Variants in BORCS8 observed in about 807,000 individuals in gnomAD.
BORCS8 encodes BLOC-1 related complex subunit 8.
In BORCS8, 13 loss-of-function variants were observed where a neutral mutation model predicts 18.7. That is an observed-to-expected ratio of 0.70 (90% CI 0.45 to 1.11). BORCS8 has a LOEUF of 1.11. BORCS8 is among the 50% of genes least tolerant of loss of function. The pLI is 0.00. For missense variants in BORCS8, 165 were observed against 165.7 expected (o/e 1.00, Z 0.02); for synonymous variants, 68 against 64.8 (o/e 1.05, Z -0.24).
intron 1 of BORCS8, among the ~76,000 whole-genome samples, chr19:19,191,708 T>G (rs182259484): frequency 2.0e-5 from 3 of 152,026 alleles, no homozygotes; most frequent in Non-Finnish European, 4.4e-5. Flanking sequence ...GCCGCCCAAG[T>G]AGCTGGGACC....
intron 5 of BORCS8, chr19:19,178,959 CAA>C (rs555063108): frequency 1.9e-4 from 17 of 90,198 alleles, no homozygotes; most frequent in Non-Finnish European, 1.8e-4. Flanking sequence ...GACTCCATCT[CAA>C]AAAAAAAAAA....
chr19:19,191,601 G>T (rs1048272349), intron 1 of BORCS8, among the ~76,000 whole-genome samples: 6 of 151,588 alleles, frequency 4.0e-5, no homozygotes, highest in Admixed American at 2.6e-4. Context: ...TTTAGACAGG[G>T]TCTCACTTGT....
intron 3 of BORCS8, among the ~76,000 whole-genome samples, chr19:19,185,507 G>A (rs1352877846): frequency 2.6e-5 from 4 of 152,170 alleles, no homozygotes; most frequent in East Asian, 1.9e-4. Context: ...CCAACATGGC[G>A]AAACCCCATC....
At chr19:19,191,403 G>A (rs888248581) in intron 1 of BORCS8, among the ~76,000 whole-genome samples, 5 of 150,924 alleles carry the variant, frequency 3.3e-5, no homozygotes, top group African/African-American at 1.2e-4. Context: ...GAGGCAAGAG[G>A]ATCGCCCGCG....
At position 19,182,081 on chromosome 19, in the gene BORCS8, G is replaced by C. The variant is rs114734937; in HGVS notation, c.326+492C>G. ...CATCTCCCTGGCCCCATCTCCCCCA[G>C]CTGGCCGGCTCCAGCCACAGAAGCC... On this transcript the variant is annotated intron_variant, in intron 4 of 5. Coordinates refer to ENST00000462790, the MANE Select transcript of BORCS8 (RefSeq NM_001145784.2). The surrounding 1 kb of genome is among the most constrained non-coding windows in gnomAD (Gnocchi z 4.1). 2,147 of 980,828 alleles carry C rather than the reference G, an allele frequency of 2.2e-3. 44 individuals are homozygous for C. In the African/African-American group the frequency reaches 0.035, roughly 16 times the overall value. The allele number at this position is 980,828 out of a possible 1,614,324, so 60.8% of individuals were successfully genotyped here. A position where few individuals can be genotyped will look rare whatever the true frequency, so the allele number is the denominator to read the frequency against.
chr19:19,191,921 G>T (rs939930896), intron 1 of BORCS8, among the ~76,000 whole-genome samples, 160 bp downstream of exon 1: 1 of 152,146 alleles, frequency 6.6e-6, no homozygotes, highest in Admixed American at 6.6e-5. Context: ...AAGCAGACAC[G>T]GAGCCTTTCT....
chr19:19,188,004 G>A (rs1599760025), intron 1 of BORCS8, among the ~76,000 whole-genome samples: 1 of 150,560 alleles, frequency 6.6e-6, no homozygotes, highest in South Asian at 2.1e-4. Context: ...CACCATGCCT[G>A]GCTAGTTTTT....
intron 1 of BORCS8, among the ~76,000 whole-genome samples, chr19:19,189,032 A>T (rs2060440143): frequency 6.6e-6 from 1 of 151,816 alleles, no homozygotes; most frequent in Admixed American, 6.6e-5. Context: ...ATGGGGTTTT[A>T]CCATGTTGGC....
chr19:19,189,905 A>T (rs1239707152), intron 1 of BORCS8, among the ~76,000 whole-genome samples: 1 of 150,070 alleles, frequency 6.7e-6, no homozygotes, highest in Non-Finnish European at 1.5e-5. Flanking sequence ...CAAAAGAGTG[A>T]GACTCTGTCC....
intron 1 of BORCS8, 29 bp from the exon 2 acceptor site, chr19:19,187,034 G>T (rs1404701944): frequency 2.0e-6 from 3 of 1,512,506 alleles, no homozygotes; most frequent in Non-Finnish European, 2.7e-6. Flanking sequence ...GATGGGGCGG[G>T]TGTGGGGAGA....
chr19:19,183,592 T>C (rs1365829129), intron 3 of BORCS8, among the ~76,000 whole-genome samples: 4 of 151,412 alleles, frequency 2.6e-5, no homozygotes, highest in East Asian at 2.0e-4. Context: ...TTCTTTCTTT[T>C]TTTTTTTTTG....
At chr19:19,187,090 G>T in intron 1 of BORCS8, 85 bp from the exon 2 acceptor site, 1 of 1,013,200 alleles carries the variant, frequency 9.9e-7, no homozygotes, top group Middle Eastern at 2.1e-4. Context: ...CCCAGCCAGA[G>T]CAAAGGGGGC....
chr19:19,180,564 T>A (rs1327881084), intron 5 of BORCS8, 122 bp downstream of exon 5: 5 of 725,614 alleles, frequency 6.9e-6, no homozygotes, highest in Non-Finnish European at 9.7e-6. Flanking sequence ...TCCGAAATCA[T>A]CCCACAAGCC....
At chr19:19,186,819 T>C (rs1485733886) in intron 2 of BORCS8, 74 bp downstream of exon 2, 2 of 1,119,840 alleles carry the variant, frequency 1.8e-6, no homozygotes, top group Non-Finnish European at 2.5e-6. Flanking sequence ...TGCCACCACA[T>C]GCCTCCTTGC....
In BORCS8 at chr19:19,186,982, C is replaced by T. The variant is rs1208876108; in HGVS notation, c.61G>A (p.Val21Ile). Residue 21 changes from valine to isoleucine, a missense_variant, in exon 2 of 6, where the codon GTC becomes ATC. Physicochemically the swap from Val to Ile is conservative, Grantham distance 29. Transcript: ENST00000462790. The part of the protein sequence containing the change: ...KKVTDKFTES[V>I]YVLANEPSVA... ...GATGGCTCGTTGGCCAGGACGTAGA[C>T]GCTCTCAGTGAACTTGTCCGTGACT... The T allele has an allele frequency of 1.1e-5, 17 of 1,551,314 alleles. No homozygotes were observed. Among genetic ancestry groups the T allele is most frequent in the South Asian group, 1.1e-4 (9 of 84,022 alleles).
intron 3 of BORCS8, among the ~76,000 whole-genome samples, chr19:19,185,239 G>A (rs1388415988): frequency 6.6e-6 from 1 of 152,214 alleles, no homozygotes; most frequent in Non-Finnish European, 1.5e-5. Flanking sequence ...CCAATAAAAT[G>A]GCCCACAGCC....
chr19:19,185,920 C>T (rs1006523032), intron 3 of BORCS8, 114 bp downstream of exon 3: 12 of 1,083,152 alleles, frequency 1.1e-5, no homozygotes, highest in East Asian at 2.6e-5. Context: ...TACACCCACT[C>T]GGGTAGGCCT....
rs111794908 is a variant in BORCS8 at position 19,184,938 on chromosome 19, C to T, written c.215+1096G>A. 1.7e-3 allele frequency among the ~76,000 whole-genome samples: 262 copies of T among 152,162 alleles called. 1 individual carries two copies. The highest frequency in any genetic ancestry group is 6.2e-3 in the African/African-American group (256 of 41,526). ...CTTTAGAGGAGAGGTCTGGCTATAT[C>T]ACGCAGGCTGACCCTGAACTCCTTT... On this transcript the variant is annotated intron_variant, in intron 3 of 5. Coordinates refer to ENST00000462790, the MANE Select transcript of BORCS8 (RefSeq NM_001145784.2).
intron 1 of BORCS8, among the ~76,000 whole-genome samples, chr19:19,189,663 C>T (rs944195648): frequency 3.9e-5 from 6 of 152,146 alleles, no homozygotes; most frequent in African/African-American, 1.4e-4. Flanking sequence ...CGGTGGCTCA[C>T]GCCTGTAATC....
Sources: gnomAD v4.1 joint callset for allele counts (sites outside exome capture counted in the v4.1 genomes callset) on GRCh38, gnomAD v4.1.1 for gene constraint, Gnocchi (gnomAD v3.1) non-coding constraint, MANE v1.5 for transcripts, NCBI Gene and HGNC (gene_info 2026-07-23, HGNC 2026-07-21) for gene names.